Variants in PCK2 observed in about 807,000 individuals in gnomAD.
The protein encoded by PCK2 is phosphoenolpyruvate carboxykinase [GTP], mitochondrial.
A neutral mutation model predicts 65.9 loss-of-function variants in PCK2; 56 were observed. That is an observed-to-expected ratio of 0.85 (90% CI 0.69 to 1.06). The LOEUF is 1.06. Ranked by LOEUF, PCK2 falls within the 50% of genes least tolerant of loss-of-function variation. The pLI is 0.00. For missense variants in PCK2, 843 were observed against 863.1 expected, an observed-to-expected ratio of 0.98 and a Z score of 0.29; for synonymous variants, 305 against 319.6, an observed-to-expected ratio of 0.95 and a Z score of 0.49.
intron 1 of PCK2, among the ~76,000 whole-genome samples, chr14:24,095,838 G>A (rs2036849867): frequency 6.6e-6 from 1 of 152,182 alleles, no homozygotes; most frequent in African/African-American, 2.4e-5. Context: ...ATGAACCCCA[G>A]CCAGTGACAC....
chr14:24,101,951 C>T (rs1173938659), intron 7 of PCK2, among the ~76,000 whole-genome samples: 2 of 152,216 alleles, frequency 1.3e-5, no homozygotes, highest in South Asian at 2.1e-4. Flanking sequence ...TCAGGCCAGG[C>T]GCAGTGGCTC....
At chr14:24,098,958 G>T in intron 4 of PCK2, 91 bp from the exon 5 acceptor site, 1 of 1,002,430 alleles carries the variant, frequency 1.0e-6, no homozygotes, top group Non-Finnish European at 1.5e-6. Flanking sequence ...CTGCTCCCAA[G>T]TGTCTCTCCT....
rs1345191995 is a variant in PCK2, at chr14:24,100,085, T to A, written c.1106T>A (p.Ile369Asn). ...ACCAATCCCAACGCCATGGCTACAA[T>A]CCAGAGTAACACTATTTTTACCAAT... ...ATTNPNAMAT[I>N]QSNTIFTNVA... The change falls in exon 7 of 10, where the codon ATC becomes AAC. Residue 369 changes from isoleucine to asparagine, a missense_variant. Ile to Asn is a moderately radical substitution (Grantham distance 149). Transcript: ENST00000216780. The A allele has an allele frequency of 6.2e-7, 1 of 1,612,728 alleles. No individual in the cohort carries two copies. Among genetic ancestry groups the A allele is most frequent in the African/African-American group, 1.3e-5 (1 of 75,012 alleles).
intron 1 of PCK2, among the ~76,000 whole-genome samples, chr14:24,096,478 A>G (rs540427984): frequency 1.3e-5 from 2 of 151,928 alleles, no homozygotes; most frequent in South Asian, 4.2e-4. Context: ...CTCATGATCC[A>G]CCTGCCTCAG....
intron 8 of PCK2, 45 bp from the exon 9 acceptor site, chr14:24,103,115 T>A (rs755240223): frequency 6.8e-7 from 1 of 1,479,852 alleles, no homozygotes; most frequent in South Asian, 1.1e-5. Context: ...GGAGTTAGGG[T>A]CCAAAGAAAA....
chr14:24,100,231 G>C lies in PCK2; in HGVS notation c.1234+18G>C. On this transcript the variant is annotated intron_variant, in intron 7 of 9. Transcript: ENST00000216780. ...GAAACCTGGTATGTGCGGTGGGGAA[G>C]GTGTGGCACAGCCTCCAGGCCTCAG... 1 of 1,613,720 alleles carries C rather than the reference G, an allele frequency of 6.2e-7. No individual in the cohort carries two copies. The highest frequency in any genetic ancestry group is 8.5e-7 in the Non-Finnish European group (1 of 1,179,816).
rs1312446367 is a variant in PCK2 at position 24,099,595 on chromosome 14, A to T, written c.890A>T (p.Tyr297Phe). The T allele has an allele frequency of 1.9e-6, 3 of 1,611,308 alleles. No individual in the cohort carries two copies. The highest frequency in any genetic ancestry group is 1.7e-6 in the Non-Finnish European group (2 of 1,178,492). The change falls in exon 6 of 10, where the codon TAT (tyrosine) becomes TTT (phenylalanine). Residue 297 changes from tyrosine (Y) to phenylalanine (F), a missense_variant. Transcript: ENST00000216780. The stretch of plus-strand genomic sequence containing the variant: ...ACCAGCCCTGCAGGGAAGAAGCGCT[A>T]TGTGGCAGCCGCCTTCCCTAGTGCC... ...GITSPAGKKR[Y>F]VAAAFPSACG...
chr14:24,098,284 G>C lies in PCK2; in HGVS notation c.357G>C (p.Thr119=), dbSNP rs745884414. 1 of 1,614,110 alleles carries C rather than the reference G, an allele frequency of 6.2e-7. No individual in the cohort carries two copies. The highest frequency in any genetic ancestry group is 8.5e-7 in the Non-Finnish European group (1 of 1,179,964). The change falls in exon 3 of 10, where the codon ACG becomes ACC. Residue 119 remains threonine, a synonymous_variant. Transcript: ENST00000216780. ...TVIVTPSQRD[T]VPLPPGGARG... ...TTGTAACTCCTTCTCAGCGGGACAC[G>C]GTACCACTCCCGCCTGGTGGGGCCC... is the stretch of plus-strand genomic sequence containing the variant.
Position 24,102,838 on chromosome 14 carries a change from C to T in PCK2, c.1320C>T (p.Ala440=), listed in dbSNP as rs747288937. 8.7e-6 allele frequency: 14 copies of T among 1,614,056 alleles called. No individual in the cohort carries two copies. The South Asian group carries it at 1.5e-4, about 18-fold the overall frequency. The part of the protein sequence containing the change: ...QCPIMDPAWE[A]PEGVPIDAII... ...CCATCATGGACCCAGCCTGGGAGGCCCCAGAGGGTGTCCCCATTGACGCCA... is the reference window on the plus strand; with the variant it reads ...CCATCATGGACCCAGCCTGGGAGGCTCCAGAGGGTGTCCCCATTGACGCCA... The change falls in exon 8 of 10, where the codon GCC becomes GCT. Residue 440 remains alanine, a synonymous_variant. Transcript: ENST00000216780.
chr14:24,099,856 C>A (rs921829298), intron 6 of PCK2, 136 bp downstream of exon 6: 1 of 1,555,764 alleles, frequency 6.4e-7, no homozygotes, highest in Non-Finnish European at 8.9e-7. Flanking sequence ...TCTGGCAGCC[C>A]AGCCACCCGA....
chr14:24,098,996 C>T, intron 4 of PCK2, 53 bp from the exon 5 acceptor site: 1 of 1,413,828 alleles, frequency 7.1e-7, no homozygotes, highest in Non-Finnish European at 9.8e-7. Flanking sequence ...CTGGCCCCGA[C>T]ACCCCAGTTC....
chr14:24,096,228 CTTTTTTTTTTTTTTTT>C (rs34592767), intron 1 of PCK2, among the ~76,000 whole-genome samples: 40 of 58,882 alleles, frequency 6.8e-4, no homozygotes, highest in African/African-American at 2.1e-3. Context: ...CTACTCATTT[CTTTTTTTTTTTTTTTT>C]TTTTTTTTTT....
At chr14:24,097,321 C>T (rs185477044) in intron 2 of PCK2, among the ~76,000 whole-genome samples, 184 bp downstream of exon 2, 30 of 149,416 alleles carry the variant, frequency 2.0e-4, no homozygotes, top group Middle Eastern at 3.4e-3. Flanking sequence ...GAGGCCAAGG[C>T]GGGTGGATCA....
At chr14:24,100,452 G>T in intron 7 of PCK2, 3 of 940,906 alleles carry the variant, frequency 3.2e-6, no homozygotes, top group Non-Finnish European at 4.5e-6. Context: ...CACATCAGTT[G>T]AATGAGGGTA....
At chr14:24,099,276 G>T in intron 5 of PCK2, 40 bp downstream of exon 5, 1 of 1,554,812 alleles carries the variant, frequency 6.4e-7, no homozygotes, top group Non-Finnish European at 8.7e-7. Context: ...GCCGGGGACA[G>T]GGCAGGGGTG....
chr14:24,099,419 AGGCCTGATGGCAG>A (rs2037058766), intron 5 of PCK2, 126 bp from the exon 6 acceptor site: 1 of 1,016,224 alleles, frequency 9.8e-7, no homozygotes, highest in Non-Finnish European at 1.4e-6. Flanking sequence ...CCACTAACCC[AGGCCTGATGGCAG>A]GGCAATCACT....
In PCK2 at chr14:24,097,117, G is replaced by A. The variant is rs752601665; in HGVS notation, c.255G>A (p.Lys85=). The A allele has an allele frequency of 2.5e-6, 4 of 1,613,982 alleles. No homozygotes were observed. The East Asian group carries it at 6.7e-5, about 27-fold the overall frequency. Reference sequence around the variant, plus strand: ...TGGAGCAGCAGGGCCTCATCCGAAAGCTCCCCAAGTACAATAACTGGTAAG... The same window carrying A: ...TGGAGCAGCAGGGCCTCATCCGAAAACTCCCCAAGTACAATAACTGGTAAG... ...TLLEQQGLIR[K]LPKYNNCWLA... The change falls in exon 2 of 10, where the codon AAG becomes AAA. Residue 85 remains lysine, a synonymous_variant. Coordinates refer to ENST00000216780, the MANE Select transcript of PCK2 (RefSeq NM_004563.4).
Position 24,097,152 on chromosome 14 carries a change from C to A in PCK2, c.275+15C>A, listed in dbSNP as rs1402375271. 6.2e-7 allele frequency: 1 copy of A among 1,611,828 alleles called. No homozygotes were observed. Among genetic ancestry groups the A allele is most frequent in the African/African-American group, 1.3e-5 (1 of 74,864 alleles). On this transcript the variant is annotated intron_variant, in intron 2 of 9. Transcript: ENST00000216780. ...TACAATAACTGGTAAGCCTTGGGCTCCACAACCTGCAGGATAGGTGCACTG... is the reference window on the plus strand; with the variant it reads ...TACAATAACTGGTAAGCCTTGGGCTACACAACCTGCAGGATAGGTGCACTG...
chr14:24,094,674 C>G lies in PCK2; in HGVS notation c.29+240C>G. On this transcript the variant is annotated intron_variant, in intron 1 of 9. Coordinates refer to ENST00000216780, the MANE Select transcript of PCK2 (RefSeq NM_004563.4). The surrounding 1 kb of genome is among the most constrained non-coding windows in gnomAD (Gnocchi z 4.1). ...TCTCTGCCTCGCTCGCCTCTGACCG[C>G]GCGATCTCTATCTGCCACTCTCAGA... 6.6e-7 allele frequency: 1 copy of G among 1,515,816 alleles called. No homozygotes were observed. Among genetic ancestry groups the G allele is most frequent in the African/African-American group, 1.4e-5 (1 of 72,738 alleles). The allele number at this position is 1,515,816 out of a possible 1,614,324, so 93.9% of individuals were successfully genotyped here.
Sources: gnomAD v4.1 joint callset for allele counts (sites outside exome capture counted in the v4.1 genomes callset) on GRCh38, gnomAD v4.1.1 for gene constraint, Gnocchi (gnomAD v3.1) non-coding constraint, MANE v1.5 for transcripts, NCBI Gene and HGNC (gene_info 2026-07-23, HGNC 2026-07-21) for gene names.